EFTUD2: variants seen among roughly 807,000 people sequenced by gnomAD.
EFTUD2 encodes the protein 116 kDa U5 small nuclear ribonucleoprotein component.
Under a neutral mutation model 114.3 loss-of-function variants are expected in EFTUD2, and 9 were observed. The ratio of observed to expected loss-of-function variants is 0.08; its 90% confidence interval spans 0.05 to 0.14. The LOEUF (loss-of-function observed/expected upper bound fraction) is 0.14. Among genes scored for constraint, EFTUD2 ranks in the 10% least tolerant of loss-of-function variants. The pLI is 1.00. For missense variants in EFTUD2, 765 were observed against 1,241.2 expected, an observed-to-expected ratio of 0.62 and a Z score of 5.76; for synonymous variants, 449 against 462.3, an observed-to-expected ratio of 0.97 and a Z score of 0.37.
chr17:44,855,877 G>A (rs1297324920), intron 20 of EFTUD2, among the ~76,000 whole-genome samples: 1 of 151,100 alleles, frequency 6.6e-6, no homozygotes, highest in Non-Finnish European at 1.5e-5. Flanking sequence ...GCTTGGACCC[G>A]GGAGGCAGAG....
At chr17:44,859,654 C>A in intron 18 of EFTUD2, 1 of 595,598 alleles carries the variant, frequency 1.7e-6, no homozygotes. Flanking sequence ...CACACACACA[C>A]ACACACAACC....
chr17:44,879,045 G>T lies in EFTUD2; in HGVS notation c.702+511C>A, dbSNP rs79420637. Among the ~76,000 whole-genome samples the T allele has an allele frequency of 5.0e-4, 76 of 152,062 alleles. No homozygotes were observed. The East Asian group carries it at 0.013, about 27-fold the overall frequency. Reference sequence around the variant, plus strand: ...GAATAGCAATGAGTCTTATCATTTTGAGCTTCACTGAGCAGGAAGCAAGGG... The same window carrying T: ...GAATAGCAATGAGTCTTATCATTTTTAGCTTCACTGAGCAGGAAGCAAGGG... On this transcript the variant is annotated intron_variant, in intron 9 of 27. Coordinates refer to ENST00000426333, the MANE Select transcript of EFTUD2 (RefSeq NM_004247.4).
At position 44,851,778 on chromosome 17, in the gene EFTUD2, G is replaced by A. The variant is rs1292660295; in HGVS notation, c.2755C>T (p.Arg919Cys). 7 of 1,608,402 alleles carry A rather than the reference G, an allele frequency of 4.4e-6. No homozygotes were observed. The highest frequency in any genetic ancestry group is 2.2e-5 in the South Asian group (2 of 89,698). Residue 919 changes from arginine (R) to cysteine (C), a missense_variant, in exon 27 of 28, where the codon CGC becomes TGC. Physicochemically the swap from Arg to Cys is radical, Grantham distance 180. Coordinates refer to ENST00000426333, the MANE Select transcript of EFTUD2 (RefSeq NM_004247.4). ...GGAGCTGGCTGTGGCTCCAAGGGGCGGATGACAATGCTCTTGTCCAGGGGA... is the reference window on the plus strand; with the variant it reads ...GGAGCTGGCTGTGGCTCCAAGGGGCAGATGACAATGCTCTTGTCCAGGGGA... ...GDPLDKSIVI[R>C]PLEPQPAPHL...
chr17:44,888,782 G>A (rs903952127), intron 2 of EFTUD2, among the ~76,000 whole-genome samples: 1 of 152,208 alleles, frequency 6.6e-6, no homozygotes, highest in Non-Finnish European at 1.5e-5. Flanking sequence ...TGGGGGAGCA[G>A]GGCGGGGAAA....
chr17:44,859,261 G>T (rs901944615), intron 18 of EFTUD2, 80 bp from the exon 19 acceptor site: 44 of 1,006,758 alleles, frequency 4.4e-5, no homozygotes, highest in Middle Eastern at 4.1e-4. Flanking sequence ...GGCCAGAGCA[G>T]ACAAGAAGTT....
chr17:44,850,420 T>C lies in EFTUD2; in HGVS notation c.*854A>G. The C allele has an allele frequency of 6.4e-7, 1 of 1,573,844 alleles. No homozygotes were observed. The highest frequency in any genetic ancestry group is 8.7e-7 in the Non-Finnish European group (1 of 1,145,902). The stretch of plus-strand genomic sequence containing the variant: ...AGGACTCCTATAGGAGCCGGGGCTG[T>C]CCAACTCCCCTAACTCAATCCCTGG... On this transcript the variant is annotated 3_prime_UTR_variant, in exon 28 of 28. Transcript: ENST00000426333.
chr17:44,863,999 G>A (rs1329465969), intron 14 of EFTUD2: 1 of 492,480 alleles, frequency 2.0e-6, no homozygotes, highest in South Asian at 2.5e-5. Context: ...CAAGCAGCAG[G>A]TATCAGTGGT....
chr17:44,882,275 G>A (rs2051086091), intron 6 of EFTUD2, among the ~76,000 whole-genome samples: 1 of 151,578 alleles, frequency 6.6e-6, no homozygotes, highest in South Asian at 2.1e-4. Context: ...TTTTTGAGAT[G>A]GAGTCTCACT....
chr17:44,885,211 A>G lies in EFTUD2; in HGVS notation c.350+45T>C, dbSNP rs780073566. 6.0e-6 allele frequency: 9 copies of G among 1,507,518 alleles called. No homozygotes were observed. The South Asian group carries it at 1.0e-4, about 17-fold the overall frequency. The allele number at this position is 1,507,518 out of a possible 1,614,324, so 93.4% of individuals were successfully genotyped here. A position where few individuals can be genotyped will look rare whatever the true frequency, so the allele number is the denominator to read the frequency against. Reference sequence around the variant, plus strand: ...ACCTCTTATCTCTACAAAAACATGAACCCACAGCATTCCTGCAGAGAAGCT... The same window carrying G: ...ACCTCTTATCTCTACAAAAACATGAGCCCACAGCATTCCTGCAGAGAAGCT... On this transcript the variant is annotated intron_variant, in intron 4 of 27. Transcript: ENST00000426333.
intron 18 of EFTUD2, 177 bp from the exon 19 acceptor site, chr17:44,859,358 C>T (rs1018511731): frequency 8.0e-6 from 5 of 623,882 alleles, no homozygotes; most frequent in Non-Finnish European, 1.4e-5. Flanking sequence ...AGTGGGTCCT[C>T]AAGACACCAG....
At chr17:44,852,962 G>A (rs2050481737) in intron 25 of EFTUD2, among the ~76,000 whole-genome samples, 1 of 151,900 alleles carries the variant, frequency 6.6e-6, no homozygotes. Context: ...CTCACTGCAA[G>A]CTCCGCCTCC....
rs1316840557 is a variant in EFTUD2 at position 44,854,374 on chromosome 17, GCCTCCTTAGCAGTCGCCC to G, written c.2260-36_2260-19del. ...TTGTCCACCTATAGAGAAACATGAGGCCTCCTTAGCAGTCGCCCTGGCAACGGCTGAAGCATTTAGAGG... is the reference window on the plus strand; with the variant it reads ...TTGTCCACCTATAGAGAAACATGAGGTGGCAACGGCTGAAGCATTTAGAGG... On this transcript the variant is annotated intron_variant, in intron 22 of 27. Coordinates refer to ENST00000426333, the MANE Select transcript of EFTUD2 (RefSeq NM_004247.4). This position sits in a 1 kb window ranked among gnomAD's most constrained non-coding sequence, Gnocchi z 4.3. 1 of 1,610,554 alleles carries G rather than the reference GCCTCCTTAGCAGTCGCCC, an allele frequency of 6.2e-7. No individual in the cohort carries two copies. The highest frequency in any genetic ancestry group is 1.1e-5 in the South Asian group (1 of 90,648).
At position 44,898,737 on chromosome 17, in the gene EFTUD2, G is replaced by A. The variant is rs539715986; in HGVS notation, c.-5+632C>T. Among the ~76,000 whole-genome samples, 13 of 152,190 alleles carry A rather than the reference G, an allele frequency of 8.5e-5. No homozygotes were observed. In the South Asian group the frequency reaches 2.1e-3, roughly 24 times the overall value. ...TACTCTCCAACTTCCCACTTTCACT[G>A]TTTTATTGCTATTCACAAATGTTAT... On this transcript the variant is annotated intron_variant, in intron 1 of 27. Transcript: ENST00000426333.
At chr17:44,856,592 A>G (rs2050558898) in intron 20 of EFTUD2, among the ~76,000 whole-genome samples, 1 of 151,992 alleles carries the variant, frequency 6.6e-6, no homozygotes, top group African/African-American at 2.4e-5. Flanking sequence ...AATCCCAACA[A>G]TTTGGGAGGC....
chr17:44,890,443 A>G (rs918158184), intron 2 of EFTUD2, among the ~76,000 whole-genome samples: 2 of 151,796 alleles, frequency 1.3e-5, no homozygotes, highest in African/African-American at 4.8e-5. Flanking sequence ...CTGTAATCCC[A>G]GCACTTTGAG....
intron 5 of EFTUD2, 31 bp from the exon 6 acceptor site, chr17:44,883,189 G>T (rs759813626): frequency 6.2e-7 from 1 of 1,607,520 alleles, no homozygotes. Flanking sequence ...AACATCTGCC[G>T]ACCACAGAGG....
intron 7 of EFTUD2, among the ~76,000 whole-genome samples, chr17:44,881,042 AT>A (rs557404888): frequency 3.3e-5 from 5 of 152,052 alleles, no homozygotes; most frequent in South Asian, 2.1e-4. Context: ...AGAAATAAAC[AT>A]TTTTTTTAAA....
chr17:44,863,634 C>T (rs769643911), intron 15 of EFTUD2, 21 bp downstream of exon 15: 9 of 1,606,236 alleles, frequency 5.6e-6, no homozygotes, highest in African/African-American at 4.0e-5. Flanking sequence ...ACCAGAGAAC[C>T]GGGGAGCCAC....
At position 44,899,397 on chromosome 17, in the gene EFTUD2, G is replaced by GGCC. The variant is rs1157068055; in HGVS notation, c.-36_-34dup. 2 of 152,304 alleles carry GGCC rather than the reference G, an allele frequency of 1.3e-5. No individual in the cohort carries two copies. The highest frequency in any genetic ancestry group is 4.8e-5 in the African/African-American group (2 of 41,450). The allele number at this position is 152,304 out of a possible 1,614,324, so 9.4% of individuals were successfully genotyped here. ...TCGCCTGCTCAGCTAAGAGTTCCCA[G>GGCC]GCCGCTGCCGGAGATCGTGCTTCCG... On this transcript the variant is annotated 5_prime_UTR_variant, in exon 1 of 28. Transcript: ENST00000426333.
Sources: gnomAD v4.1 joint callset for allele counts (sites outside exome capture counted in the v4.1 genomes callset) on GRCh38, gnomAD v4.1.1 for gene constraint, Gnocchi (gnomAD v3.1) non-coding constraint, MANE v1.5 for transcripts, NCBI Gene and HGNC (gene_info 2026-07-23, HGNC 2026-07-21) for gene names.